LYPD6: variants seen among roughly 807,000 people sequenced by gnomAD.
The protein encoded by LYPD6 is ly6/PLAUR domain-containing protein 6.
A neutral mutation model predicts 22.7 loss-of-function variants in LYPD6; 15 were observed. That is an observed-to-expected ratio of 0.66 (90% CI 0.44 to 1.02). The LOEUF is 1.02. Ranked by LOEUF, LYPD6 falls within the 50% of genes least tolerant of loss-of-function variation. LYPD6 has a pLI of 0.00. For missense variants in LYPD6, 189 were observed against 208.4 expected (o/e 0.91, Z 0.57); for synonymous variants, 72 against 77.5 (o/e 0.93, Z 0.37).
intron 1 of LYPD6, among the ~76,000 whole-genome samples, chr2:149,381,602 A>T (rs558092626): frequency 6.6e-6 from 1 of 152,298 alleles, no homozygotes; most frequent in Non-Finnish European, 1.5e-5. Context: ...TTGAAGATAG[A>T]GAAGGAAGAT....
chr2:149,413,430 AAAG>A (rs1232305686), intron 1 of LYPD6, among the ~76,000 whole-genome samples: 1 of 152,236 alleles, frequency 6.6e-6, no homozygotes, highest in African/African-American at 2.4e-5. Context: ...AGATTAGAAA[AAAG>A]AAGAATTTCA....
intron 3 of LYPD6, 115 bp from the exon 4 acceptor site, chr2:149,468,530 A>G (rs570499479): frequency 1.5e-5 from 18 of 1,214,356 alleles, no homozygotes; most frequent in Admixed American, 2.0e-5. Flanking sequence ...AGCAGTGCAC[A>G]TCTTATGTGC....
chr2:149,389,253 G>A (rs1682255575), intron 1 of LYPD6, among the ~76,000 whole-genome samples: 1 of 152,128 alleles, frequency 6.6e-6, no homozygotes, highest in African/African-American at 2.4e-5. Flanking sequence ...ATACTGTCCT[G>A]TAGATGCCCG....
At chr2:149,370,430 AG>A (rs1417921922) in intron 1 of LYPD6, 3 of 152,076 alleles carry the variant, frequency 2.0e-5, no homozygotes, top group African/African-American at 7.2e-5. Flanking sequence ...ATGAGGGTGG[AG>A]CCCTCATGAG....
chr2:149,452,967 T>C (rs1680870112), intron 3 of LYPD6, among the ~76,000 whole-genome samples: 2 of 152,190 alleles, frequency 1.3e-5, no homozygotes, highest in Admixed American at 6.5e-5. Context: ...ATTACATTAT[T>C]TGTGCCTCTG....
chr2:149,357,910 T>C (rs978524839), intron 1 of LYPD6, among the ~76,000 whole-genome samples: 4 of 151,702 alleles, frequency 2.6e-5, no homozygotes, highest in African/African-American at 4.8e-5. Context: ...CTCAGCCTCC[T>C]GAGTAGCTGG....
intron 1 of LYPD6, among the ~76,000 whole-genome samples, chr2:149,385,640 C>G (rs1193622018): frequency 1.6e-4 from 24 of 152,148 alleles, no homozygotes; most frequent in Non-Finnish European, 5.9e-5. Flanking sequence ...TGGAATTTTC[C>G]TTTCCCATGA....
rs115697229 is a variant in LYPD6 at position 149,472,239 on chromosome 2, T to G, written c.*1389T>G. On this transcript the variant is annotated 3_prime_UTR_variant, in exon 5 of 5. Coordinates refer to ENST00000334166, the MANE Select transcript of LYPD6 (RefSeq NM_194317.5). ...CTTTTAATATATGTTTATTGAAAGTTATCTATAATACTTGCACCAGTGTTG... is the reference window on the plus strand; with the variant it reads ...CTTTTAATATATGTTTATTGAAAGTGATCTATAATACTTGCACCAGTGTTG... 3.6e-3 allele frequency: 552 copies of G among 152,324 alleles called. 7 individuals are homozygous for G. The highest frequency in any genetic ancestry group is 0.013 in the African/African-American group (532 of 41,568). 9.4% of individuals were successfully genotyped at this position (152,324 alleles called of 1,614,324 possible). A position where few individuals can be genotyped will look rare whatever the true frequency, so the allele number is the denominator to read the frequency against.
At chr2:149,408,657 T>G (rs1682783817) in intron 1 of LYPD6, among the ~76,000 whole-genome samples, 1 of 152,238 alleles carries the variant, frequency 6.6e-6, no homozygotes, top group African/African-American at 2.4e-5. Flanking sequence ...AGCCTTGTCT[T>G]CAAGCTCTGA....
At chr2:149,331,312 TG>T (rs895462607) in intron 1 of LYPD6, among the ~76,000 whole-genome samples, 15 of 152,216 alleles carry the variant, frequency 9.9e-5, no homozygotes, top group African/African-American at 3.4e-4. Context: ...GGATTTGGCC[TG>T]GGCTTGACTT....
intron 2 of LYPD6, among the ~76,000 whole-genome samples, chr2:149,447,658 G>T (rs1683718353): frequency 6.6e-6 from 1 of 152,308 alleles, no homozygotes; most frequent in South Asian, 2.1e-4. Context: ...CAGAGAAATT[G>T]CCACTTTTGT....
chr2:149,331,021 C>A (rs1053084249), intron 1 of LYPD6, among the ~76,000 whole-genome samples: 4 of 152,170 alleles, frequency 2.6e-5, no homozygotes, highest in Non-Finnish European at 1.5e-5. Context: ...AAGTTCAAGG[C>A]TGGAGGAACC....
chr2:149,432,013 A>G (rs1268466759), intron 1 of LYPD6, among the ~76,000 whole-genome samples: 1 of 152,242 alleles, frequency 6.6e-6, no homozygotes, highest in East Asian at 1.9e-4. Context: ...AAGATGTTCA[A>G]CATCACTGAT....
intron 1 of LYPD6, among the ~76,000 whole-genome samples, chr2:149,354,284 G>A (rs368568222): frequency 3.3e-5 from 5 of 152,120 alleles, no homozygotes; most frequent in East Asian, 1.9e-4. Context: ...CTCAGCTCAC[G>A]GCAACTTCTG....
At chr2:149,476,616 A>G (rs375604415), downstream of LYPD6, among the ~76,000 whole-genome samples, 18 of 152,342 alleles carry the variant, frequency 1.2e-4, no homozygotes, top group East Asian at 2.7e-3. Flanking sequence ...ACAAAATGCC[A>G]CCAGGATGTA....
intron 1 of LYPD6, among the ~76,000 whole-genome samples, chr2:149,436,351 G>A (rs1683430615): frequency 6.6e-6 from 1 of 152,172 alleles, no homozygotes; most frequent in Non-Finnish European, 1.5e-5. Context: ...ATGGTACTTG[G>A]AAAAGTAGTA....
downstream of LYPD6, among the ~76,000 whole-genome samples, chr2:149,477,024 G>A (rs1435548833): frequency 6.6e-6 from 1 of 152,186 alleles, no homozygotes; most frequent in Admixed American, 6.5e-5. Flanking sequence ...CTGAGTAGAT[G>A]TCAGTGGTGG....
At chr2:149,479,249 C>T in the LYPD6 span, among the ~76,000 whole-genome samples, 2 of 152,146 alleles carry the variant, frequency 1.3e-5, no homozygotes, top group Non-Finnish European at 1.5e-5. Context: ...GAAAACCTGC[C>T]TTCTATACAA....
At chr2:149,425,541 A>G (rs934793464) in intron 1 of LYPD6, among the ~76,000 whole-genome samples, 2 of 152,230 alleles carry the variant, frequency 1.3e-5, no homozygotes, top group Non-Finnish European at 2.9e-5. Flanking sequence ...ATTTAGATGC[A>G]AAAACAAAAA....
Sources: gnomAD v4.1 joint callset for allele counts (sites outside exome capture counted in the v4.1 genomes callset) on GRCh38, gnomAD v4.1.1 for gene constraint, MANE v1.5 for transcripts, NCBI Gene and HGNC (gene_info 2026-07-23, HGNC 2026-07-21) for gene names.